Variants in CACNA2D2 observed in about 807,000 individuals in gnomAD.
CACNA2D2 encodes the protein voltage-dependent calcium channel subunit alpha-2/delta-2.
CACNA2D2 carries 48 observed loss-of-function variants against 166.4 expected under a neutral mutation model. That is an observed-to-expected ratio of 0.29 (90% CI 0.23 to 0.37). The LOEUF (loss-of-function observed/expected upper bound fraction) is 0.37. Among genes scored for constraint, CACNA2D2 ranks in the 10% least tolerant of loss-of-function variants. The pLI is 1.00. For missense variants in CACNA2D2, 1,122 were observed against 1,433.0 expected (o/e 0.78, Z 3.50); for synonymous variants, 561 against 573.7 (o/e 0.98, Z 0.32).
At chr3:50,381,393 C>G (rs933082272) in intron 6 of CACNA2D2, among the ~76,000 whole-genome samples, 1 of 152,126 alleles carries the variant, frequency 6.6e-6, no homozygotes, top group African/African-American at 2.4e-5. Context: ...GCAGCTGTGG[C>G]TGGTAGCCTC....
At chr3:50,488,647 G>C (rs1037519925) in intron 1 of CACNA2D2, among the ~76,000 whole-genome samples, 2 of 133,862 alleles carry the variant, frequency 1.5e-5, no homozygotes, top group Non-Finnish European at 3.1e-5. Flanking sequence ...CACCCCCCTA[G>C]CAAGAAGTGC....
At chr3:50,384,564 C>G (rs943882946) in intron 5 of CACNA2D2, among the ~76,000 whole-genome samples, 5 of 152,020 alleles carry the variant, frequency 3.3e-5, no homozygotes, top group Non-Finnish European at 7.4e-5. Context: ...CCTGCCCACC[C>G]CACCCATCAT....
chr3:50,411,984 C>G (rs1489723438), intron 3 of CACNA2D2, among the ~76,000 whole-genome samples: 2 of 152,226 alleles, frequency 1.3e-5, no homozygotes, highest in Non-Finnish European at 2.9e-5. Context: ...CAAACACCTT[C>G]CCATGGCAAG....
Position 50,366,847 on chromosome 3 carries a change from T to G in CACNA2D2, c.2573A>C (p.Gln858Pro). The change falls in exon 29 of 38, where the codon CAA (glutamine) becomes CCA (proline). Residue 858 changes from glutamine to proline, a missense_variant. Transcript: ENST00000424201. This position sits in a 1 kb window ranked among gnomAD's most constrained non-coding sequence, Gnocchi z 5.9. Reference protein sequence around the residue: ...FKVLASNRTHQDQPQKCGPNS... With the variant: ...FKVLASNRTHPDQPQKCGPNS... ...CCCAAATACCTTCTGAGGCTGGTCT[T>G]GGTGGGTACGGTTGCTGGCTAGCAC... is the stretch of plus-strand genomic sequence containing the variant. 6.2e-7 allele frequency: 1 copy of G among 1,613,532 alleles called. No individual in the cohort carries two copies. Among genetic ancestry groups the G allele is most frequent in the South Asian group, 1.1e-5 (1 of 91,074 alleles).
Position 50,365,183 on chromosome 3 carries a change from G to A in CACNA2D2, c.3100C>T (p.Leu1034=). 1 of 1,611,888 alleles carries A rather than the reference G, an allele frequency of 6.2e-7. No homozygotes were observed. The change falls in exon 36 of 38, where the codon CTG becomes TTG. Residue 1034 remains leucine, a splice_region_variant and synonymous_variant. Coordinates refer to ENST00000424201, the MANE Select transcript of CACNA2D2 (RefSeq NM_006030.4). This position sits in a 1 kb window ranked among gnomAD's most constrained non-coding sequence, Gnocchi z 4.5. ...TTGGTCAGTCTCTGCGCGTGGAACA[G>A]CCTGCGGGCAGCCCGGAAAGGCGGG... The part of the protein sequence containing the change: ...AIIDCGNCSR[L]FHAQRLTNTN...
chr3:50,372,634 T>C (rs1234875305), intron 22 of CACNA2D2, among the ~76,000 whole-genome samples: 1 of 152,134 alleles, frequency 6.6e-6, no homozygotes, highest in African/African-American at 2.4e-5. Context: ...GGCTGGCCCC[T>C]TCCCACAGCT....
intron 6 of CACNA2D2, among the ~76,000 whole-genome samples, chr3:50,381,721 G>A (rs1021710875): frequency 2.6e-5 from 4 of 151,986 alleles, no homozygotes; most frequent in African/African-American, 9.7e-5. Flanking sequence ...ACTTGTACAC[G>A]CATGCGCACA....
Position 50,362,964 on chromosome 3 carries a change from G to C in CACNA2D2, c.*1702C>G, listed in dbSNP as rs1704010389. ...GTACAAAATAGAACAACAAAAAAAG[G>C]GCAGAGAAAAGGAAATGGCCCCCCA... On this transcript the variant is annotated 3_prime_UTR_variant, in exon 38 of 38. Transcript: ENST00000424201. 1 of 397,408 alleles carries C rather than the reference G, an allele frequency of 2.5e-6. No homozygotes were observed. Among genetic ancestry groups the C allele is most frequent in the Non-Finnish European group, 4.4e-6 (1 of 225,830 alleles). The allele number at this position is 397,408 out of a possible 1,614,324, so 24.6% of individuals were successfully genotyped here.
intron 3 of CACNA2D2, among the ~76,000 whole-genome samples, chr3:50,401,691 G>C (rs1434560048): frequency 2.6e-5 from 4 of 152,042 alleles, no homozygotes; most frequent in Non-Finnish European, 5.9e-5. Flanking sequence ...ACCAAAAAGT[G>C]AACGTTTTAT....
chr3:50,441,017 G>T (rs943792857), intron 2 of CACNA2D2, among the ~76,000 whole-genome samples: 5 of 152,082 alleles, frequency 3.3e-5, no homozygotes, highest in Non-Finnish European at 5.9e-5. Flanking sequence ...TGGGAGAAGC[G>T]GGGATAAGGG....
rs1185480179 is a variant in CACNA2D2 at position 50,377,559 on chromosome 3, G to C, written c.1552-18C>G. The C allele has an allele frequency of 6.2e-7, 1 of 1,611,530 alleles. No individual in the cohort carries two copies. The highest frequency in any genetic ancestry group is 8.5e-7 in the Non-Finnish European group (1 of 1,178,502). ...AGCTGGTTCTGGGAGCAGAAGCATG[G>C]GGGGCTCCTCAGTGAGCTCAATTCC... On this transcript the variant is annotated intron_variant, in intron 16 of 37. Transcript: ENST00000424201.
At chr3:50,390,692 C>T (rs587768189) in intron 4 of CACNA2D2, among the ~76,000 whole-genome samples, 45 of 152,222 alleles carry the variant, frequency 3.0e-4, no homozygotes, top group Non-Finnish European at 5.3e-4. Context: ...AGATAACAGG[C>T]GAGGGGCGGG....
At chr3:50,453,083 G>GA (rs1363402763) in intron 2 of CACNA2D2, among the ~76,000 whole-genome samples, 1 of 152,168 alleles carries the variant, frequency 6.6e-6, no homozygotes, top group East Asian at 1.9e-4. Flanking sequence ...ACTGGGTCCA[G>GA]AACGAGTCCA....
At chr3:50,451,912 C>T (rs1709120610) in intron 2 of CACNA2D2, among the ~76,000 whole-genome samples, 1 of 152,176 alleles carries the variant, frequency 6.6e-6, no homozygotes, top group African/African-American at 2.4e-5. Flanking sequence ...TTGTGACTCA[C>T]CCGAGGCCTC....
chr3:50,387,586 G>T lies in CACNA2D2; in HGVS notation c.492C>A (p.Ala164=). The change falls in exon 5 of 38, where the codon GCC becomes GCA. Residue 164 remains alanine (A), a synonymous_variant. Transcript: ENST00000424201. The stretch of plus-strand genomic sequence containing the variant: ...TGCTCACCAGCTCAGCGTCAGCCTT[G>T]GCGTCATAGTACACGATGTCTTCCT... ...IKEEDIVYYD[A]KADAELDDPE... is the part of the protein sequence containing the mutation. 1 of 1,613,806 alleles carries T rather than the reference G, an allele frequency of 6.2e-7. No individual in the cohort carries two copies. Among genetic ancestry groups the T allele is most frequent in the South Asian group, 1.1e-5 (1 of 91,076 alleles).
At chr3:50,454,750 A>C (rs1709272403) in intron 2 of CACNA2D2, among the ~76,000 whole-genome samples, 1 of 152,202 alleles carries the variant, frequency 6.6e-6, no homozygotes. Context: ...GGAGGAGCCA[A>C]GTCCAGTCCC....
chr3:50,493,385 G>A (rs998080059), intron 1 of CACNA2D2, among the ~76,000 whole-genome samples: 8 of 152,230 alleles, frequency 5.3e-5, no homozygotes, highest in African/African-American at 1.9e-4. Flanking sequence ...TCTGGGCAAG[G>A]TTTCCTCCCC....
chr3:50,445,967 G>A (rs778961436), intron 2 of CACNA2D2, among the ~76,000 whole-genome samples: 4 of 152,206 alleles, frequency 2.6e-5, no homozygotes, highest in African/African-American at 9.6e-5. Flanking sequence ...GTTCTCTCTC[G>A]GTGTATGCAA....
intron 2 of CACNA2D2, among the ~76,000 whole-genome samples, chr3:50,466,744 G>A (rs1211418404): frequency 1.3e-5 from 2 of 152,356 alleles, no homozygotes; most frequent in East Asian, 3.9e-4. Flanking sequence ...CAGTCTGACC[G>A]CCTGCACTCA....
Sources: allele counts gnomAD v4.1 joint callset (sites outside exome capture counted in the v4.1 genomes callset), GRCh38; gene constraint gnomAD v4.1.1; non-coding constraint Gnocchi (gnomAD v3.1); transcripts MANE v1.5; gene names NCBI Gene and HGNC (gene_info 2026-07-23, HGNC 2026-07-21).